The following TBC1D19 variants were observed in gnomAD, a reference collection of about 807,000 sequenced individuals.
TBC1D19 encodes the protein TBC1 domain family member 19.
TBC1D19 carries 60 observed loss-of-function variants against 89.0 expected under a neutral mutation model. The ratio of observed to expected loss-of-function variants is 0.67; its 90% confidence interval spans 0.55 to 0.84. The LOEUF is 0.84. Ranked by LOEUF, TBC1D19 falls within the 40% of genes least tolerant of loss-of-function variation. The probability of loss-of-function intolerance (pLI) is 0.00; values close to 1 mark genes in which losing one functional copy is unlikely to be tolerated. For synonymous variants in TBC1D19, 189 were observed against 199.7 expected (o/e 0.95, Z 0.45); for missense variants, 500 against 610.8 (o/e 0.82, Z 1.91).
At chr4:26,823,478 A>T in the TBC1D19 span, among the ~76,000 whole-genome samples, 10 of 152,202 alleles carry the variant, frequency 6.6e-5, no homozygotes, top group African/African-American at 2.2e-4. Flanking sequence ...CACAGAAGAG[A>T]TTCTCTGTTC....
chr4:26,661,276 G>T (rs775719871), intron 8 of TBC1D19, among the ~76,000 whole-genome samples: 1 of 152,104 alleles, frequency 6.6e-6, no homozygotes, highest in Non-Finnish European at 1.5e-5. Context: ...CTGCTGAATG[G>T]TGAGATTAAT....
At chr4:26,699,189 A>G (rs1715092925) in intron 13 of TBC1D19, among the ~76,000 whole-genome samples, 1 of 152,228 alleles carries the variant, frequency 6.6e-6, no homozygotes, top group Non-Finnish European at 1.5e-5. Flanking sequence ...AACCCCATCA[A>G]AAAGTGGGTG....
the TBC1D19 span, among the ~76,000 whole-genome samples, chr4:26,807,617 G>A: frequency 6.6e-6 from 1 of 152,238 alleles, no homozygotes; most frequent in East Asian, 1.9e-4. Context: ...CCACTTGCTT[G>A]GCGAGTTCAT....
At chr4:26,850,680 C>G in the TBC1D19 span, among the ~76,000 whole-genome samples, 1 of 152,002 alleles carries the variant, frequency 6.6e-6, no homozygotes, top group Non-Finnish European at 1.5e-5. Flanking sequence ...CCCTTGCTCA[C>G]AGTCCTCAGA....
At chr4:26,792,349 G>A in the TBC1D19 span, among the ~76,000 whole-genome samples, 1 of 152,144 alleles carries the variant, frequency 6.6e-6, no homozygotes, top group South Asian at 2.1e-4. Flanking sequence ...ATTTGGCAAC[G>A]TGGAAACTAC....
At chr4:26,735,544 A>G in intron 16 of TBC1D19, 57 bp downstream of exon 16, 1 of 1,397,580 alleles carries the variant, frequency 7.2e-7, no homozygotes, top group Non-Finnish European at 9.6e-7. Context: ...GTTATCTGTC[A>G]ATTTAAAAAA....
At chr4:26,679,201 G>A (rs1470294946) in intron 11 of TBC1D19, among the ~76,000 whole-genome samples, 2 of 152,120 alleles carry the variant, frequency 1.3e-5, no homozygotes, top group African/African-American at 4.8e-5. Flanking sequence ...CCCATCACAG[G>A]CTCAGAGGCT....
the TBC1D19 span, among the ~76,000 whole-genome samples, chr4:26,844,640 C>T: frequency 3.3e-4 from 50 of 152,308 alleles, no homozygotes; most frequent in African/African-American, 1.2e-3. Flanking sequence ...TGTAAAACTG[C>T]GATCCTATGC....
chr4:26,709,647 G>A (rs1255253406), intron 13 of TBC1D19, among the ~76,000 whole-genome samples: 1 of 151,960 alleles, frequency 6.6e-6, no homozygotes, highest in Non-Finnish European at 1.5e-5. Context: ...ATGCATATAT[G>A]CGGCTATGCT....
rs944318268 is a variant in TBC1D19 at position 26,755,533 on chromosome 4, C to T, written c.*586C>T. On this transcript the variant is annotated 3_prime_UTR_variant, in exon 21 of 21. Transcript: ENST00000264866. Reference sequence around the variant, plus strand: ...TCTCCATTTTATTTCTCTCTTTAAACATCTCTACTGGGGAAGGTCGAATAC... The same window carrying T: ...TCTCCATTTTATTTCTCTCTTTAAATATCTCTACTGGGGAAGGTCGAATAC... Among the ~76,000 whole-genome samples, 2 of 152,108 alleles carry T rather than the reference C, an allele frequency of 1.3e-5. No homozygotes were observed. Among genetic ancestry groups the T allele is most frequent in the African/African-American group, 2.4e-5 (1 of 41,426 alleles).
intron 15 of TBC1D19, among the ~76,000 whole-genome samples, chr4:26,733,785 A>G (rs1717806428): frequency 6.6e-6 from 1 of 152,226 alleles, no homozygotes; most frequent in Non-Finnish European, 1.5e-5. Flanking sequence ...GAAATGTAAT[A>G]GGGATAAAAA....
chr4:26,709,914 G>T (rs1340374007), intron 13 of TBC1D19, among the ~76,000 whole-genome samples: 1 of 151,830 alleles, frequency 6.6e-6, no homozygotes, highest in Non-Finnish European at 1.5e-5. Flanking sequence ...AGAAGCAGAG[G>T]CTTAGATCCC....
chr4:26,761,581 T>C, the TBC1D19 span, among the ~76,000 whole-genome samples: 1 of 152,186 alleles, frequency 6.6e-6, no homozygotes, highest in African/African-American at 2.4e-5. Context: ...GCTTACTACT[T>C]CTACTATCCT....
At chr4:26,629,325 C>T (rs781522404) in intron 4 of TBC1D19, among the ~76,000 whole-genome samples, 16 of 151,884 alleles carry the variant, frequency 1.1e-4, no homozygotes, top group Non-Finnish European at 1.8e-4. Flanking sequence ...GGTACTTTTC[C>T]GGTCTCATCC....
chr4:26,618,138 G>A (rs1174544436), intron 3 of TBC1D19, among the ~76,000 whole-genome samples: 1 of 152,194 alleles, frequency 6.6e-6, no homozygotes, highest in Non-Finnish European at 1.5e-5. Context: ...ACAGAGCCAG[G>A]TGCTGTTGTT....
chr4:26,696,092 G>A (rs1433248478), intron 13 of TBC1D19, among the ~76,000 whole-genome samples: 1 of 152,222 alleles, frequency 6.6e-6, no homozygotes, highest in Non-Finnish European at 1.5e-5. Context: ...AGACCCATCA[G>A]TGTGCTGTAT....
chr4:26,810,290 C>A, the TBC1D19 span, among the ~76,000 whole-genome samples: 1 of 152,192 alleles, frequency 6.6e-6, no homozygotes, highest in South Asian at 2.1e-4. Context: ...CCCAATGAAC[C>A]TACTTGCACT....
upstream of TBC1D19, among the ~76,000 whole-genome samples, chr4:26,581,259 C>CAGGT (rs1241661269): frequency 6.6e-6 from 1 of 152,132 alleles, no homozygotes; most frequent in Admixed American, 6.5e-5. Flanking sequence ...GCAGAACGTG[C>CAGGT]AGGTTCGTTA....
chr4:26,639,919 G>A (rs1200439018), intron 6 of TBC1D19, among the ~76,000 whole-genome samples: 1 of 152,098 alleles, frequency 6.6e-6, no homozygotes, highest in African/African-American at 2.4e-5. Flanking sequence ...TTTGTGAATA[G>A]GATGCTCTTA....
Sources: allele counts gnomAD v4.1 joint callset (sites outside exome capture counted in the v4.1 genomes callset), GRCh38; gene constraint gnomAD v4.1.1; transcripts MANE v1.5; gene names NCBI Gene and HGNC (gene_info 2026-07-23, HGNC 2026-07-21).